OR7D2: variants seen among roughly 807,000 people sequenced by gnomAD.
OR7D2 encodes olfactory receptor 7D2.
For missense variants in OR7D2, 370 were observed against 384.1 expected (o/e 0.96, Z 0.31); for synonymous variants, 158 against 158.7 (o/e 1.00, Z 0.03).
At chr19:9,182,821 A>G (rs2051000624) in intron 2 of OR7D2, 1 of 211,184 alleles carries the variant, frequency 4.7e-6, no homozygotes, top group Non-Finnish European at 1.0e-5. Flanking sequence ...GCGCCCGGCC[A>G]CATGCATATA....
At chr19:9,185,397 A>G (rs1288814892) in intron 2 of OR7D2, among the ~76,000 whole-genome samples, 1 of 151,742 alleles carries the variant, frequency 6.6e-6, no homozygotes, top group East Asian at 1.9e-4. Flanking sequence ...GAAAGATTAG[A>G]CAAAATGAGT....
chr19:9,180,121 A>AT (rs906556932), intron 1 of OR7D2, among the ~76,000 whole-genome samples: 1 of 151,304 alleles, frequency 6.6e-6, no homozygotes, highest in African/African-American at 2.4e-5. Flanking sequence ...TTTTCCTCTT[A>AT]TTTTTTCTCA....
At position 9,185,961 on chromosome 19, in the gene OR7D2, C is replaced by T. The variant is rs938598170; in HGVS notation, c.180C>T (p.Tyr60=). 1 of 1,614,040 alleles carries T rather than the reference C, an allele frequency of 6.2e-7. No individual in the cohort carries two copies. The highest frequency in any genetic ancestry group is 1.3e-5 in the African/African-American group (1 of 74,932). The change falls in exon 3 of 3, where the codon TAC becomes TAT. Residue 60 remains tyrosine, a synonymous_variant. Transcript: ENST00000641288. ...ACTCCCACCTCCACACCCCCATGTA[C>T]TTCTTCCTCTCCAACCTGTCCTGGG... ...SSDSHLHTPM[Y]FFLSNLSWVD...
rs2051050746 is a variant in OR7D2, at chr19:9,187,928, T to C, written c.*1208T>C. ...ATATACCACAATCTTTATCACTCAT[T>C]GGTTGATGGGCACTTAGGTTGGTTC... is the stretch of plus-strand genomic sequence containing the variant. On this transcript the variant is annotated 3_prime_UTR_variant, in exon 3 of 3. Coordinates refer to ENST00000641288, the MANE Select transcript of OR7D2 (RefSeq NM_175883.4). 1 of 166,354 alleles carries C rather than the reference T, an allele frequency of 6.0e-6. No individual in the cohort carries two copies. Among genetic ancestry groups the C allele is most frequent in the Admixed American group, 6.5e-5 (1 of 15,270 alleles). The allele number at this position is 166,354 out of a possible 1,614,324, so 10.3% of individuals were successfully genotyped here.
At position 9,187,513 on chromosome 19, in the gene OR7D2, T is replaced by C. The variant is rs1281497127; in HGVS notation, c.*793T>C. On this transcript the variant is annotated 3_prime_UTR_variant, in exon 3 of 3. Transcript: ENST00000641288. ...TTTCTTTTTTTAAAAAAATTTATTTTTATGTCAGTAGTTTTTGGGGTACAT... is the reference window on the plus strand; with the variant it reads ...TTTCTTTTTTTAAAAAAATTTATTTCTATGTCAGTAGTTTTTGGGGTACAT... 1 of 165,986 alleles carries C rather than the reference T, an allele frequency of 6.0e-6. No homozygotes were observed. Among genetic ancestry groups the C allele is most frequent in the Non-Finnish European group, 1.5e-5 (1 of 68,048 alleles). The allele number at this position is 165,986 out of a possible 1,614,324, so 10.3% of individuals were successfully genotyped here. A position where few individuals can be genotyped will look rare whatever the true frequency, so the allele number is the denominator to read the frequency against.
intron 2 of OR7D2, chr19:9,182,970 G>A: frequency 2.2e-6 from 1 of 453,606 alleles, no homozygotes; most frequent in South Asian, 2.2e-5. Flanking sequence ...ATAAATTCAT[G>A]GCCATCAGAT....
In OR7D2 at chr19:9,186,584, C is replaced by T; in HGVS notation, c.803C>T (p.Ser268Phe). 6.2e-7 allele frequency: 1 copy of T among 1,613,914 alleles called. No homozygotes were observed. Among genetic ancestry groups the T allele is most frequent in the Non-Finnish European group, 8.5e-7 (1 of 1,179,982 alleles). The change falls in exon 3 of 3, where the codon TCC becomes TTC. Residue 268 changes from serine (S) to phenylalanine (F), a missense_variant. Coordinates refer to ENST00000641288, the MANE Select transcript of OR7D2 (RefSeq NM_175883.4). ...VHFTSAVTHS[S>F]QKISVASVMY... ...TTCACTTCTGCGGTGACTCACTCTT[C>T]CCAGAAAATCTCCGTGGCCTCGGTG...
At chr19:9,182,107 G>A (rs1313095557) in intron 2 of OR7D2, among the ~76,000 whole-genome samples, 1 of 152,068 alleles carries the variant, frequency 6.6e-6, no homozygotes, top group Admixed American at 6.6e-5. Flanking sequence ...TGTTAGAATT[G>A]TTTATTATTA....
rs550969737 is a variant in OR7D2, at chr19:9,186,012, C to T, written c.231C>T (p.Ile77=). The change falls in exon 3 of 3, where the codon ATC becomes ATT. Residue 77 remains isoleucine, a synonymous_variant. Coordinates refer to ENST00000641288, the MANE Select transcript of OR7D2 (RefSeq NM_175883.4). ...TTGACATCTGTTTCAGCACTTGCAT[C>T]GTCCCCAAGATGCTGGTGAACATCC... ...SWVDICFSTC[I]VPKMLVNIQT... The T allele has an allele frequency of 6.8e-6, 11 of 1,614,074 alleles. No homozygotes were observed. Among genetic ancestry groups the T allele is most frequent in the South Asian group, 3.3e-5 (3 of 91,086 alleles).
Position 9,186,716 on chromosome 19 carries a change from T to C in OR7D2, c.935T>C (p.Leu312Ser). Residue 312 changes from leucine (L) to serine (S), a missense_variant, in exon 3 of 3, where the codon TTG becomes TCG. Leu to Ser is a moderately radical substitution (Grantham distance 145). Coordinates refer to ENST00000641288, the MANE Select transcript of OR7D2 (RefSeq NM_175883.4). ...CTCCTCAGCAGGGCAGCCTCTTGTT[T>C]GTGATGGATCCCTTGGCCCCAGGAC... ...GSLLSRAASC[L>S] The C allele has an allele frequency of 1.3e-6, 2 of 1,589,494 alleles. No homozygotes were observed. Among genetic ancestry groups the C allele is most frequent in the Middle Eastern group, 1.7e-4 (1 of 5,950 alleles).
Position 9,186,979 on chromosome 19 carries a change from A to T in OR7D2, c.*259A>T, listed in dbSNP as rs1347988026. On this transcript the variant is annotated 3_prime_UTR_variant, in exon 3 of 3. Coordinates refer to ENST00000641288, the MANE Select transcript of OR7D2 (RefSeq NM_175883.4). The stretch of plus-strand genomic sequence containing the variant: ...TGTCTCCCAGGCTGGAGTGCAGTGG[A>T]GTGATCTCGGCTCACTGCAACCTCC... 1.4e-5 allele frequency: 4 copies of T among 285,062 alleles called. No individual in the cohort carries two copies. The highest frequency in any genetic ancestry group is 1.3e-5 in the Non-Finnish European group (2 of 154,458). 17.7% of individuals were successfully genotyped at this position (285,062 alleles called of 1,614,324 possible).
Position 9,186,182 on chromosome 19 carries a change from T to C in OR7D2, c.401T>C (p.Ile134Thr). 1 of 1,614,082 alleles carries C rather than the reference T, an allele frequency of 6.2e-7. No individual in the cohort carries two copies. Among genetic ancestry groups the C allele is most frequent in the Non-Finnish European group, 8.5e-7 (1 of 1,179,974 alleles). The change falls in exon 3 of 3, where the codon ATC (isoleucine) becomes ACC (threonine). Residue 134 changes from isoleucine (I) to threonine (T), a missense_variant. Physicochemically the swap from Ile to Thr is moderately conservative, Grantham distance 89. Coordinates refer to ENST00000641288, the MANE Select transcript of OR7D2 (RefSeq NM_175883.4). ...VAVCHPLHYM[I>T]IMNPHLCGLL... Reference sequence around the variant, plus strand: ...GTCTGCCACCCTCTGCACTATATGATCATCATGAACCCCCACCTCTGTGGC... The same window carrying C: ...GTCTGCCACCCTCTGCACTATATGACCATCATGAACCCCCACCTCTGTGGC...
At chr19:9,181,378 C>G (rs1266698394) in intron 2 of OR7D2, among the ~76,000 whole-genome samples, 1 of 149,802 alleles carries the variant, frequency 6.7e-6, no homozygotes, top group Non-Finnish European at 1.5e-5. Flanking sequence ...AAGAAAGACT[C>G]AAGTCATCCA....
Position 9,186,613 on chromosome 19 carries a change from T to A in OR7D2, c.832T>A (p.Tyr278Asn), listed in dbSNP as rs1408996468. 3 of 1,613,858 alleles carry A rather than the reference T, an allele frequency of 1.9e-6. No homozygotes were observed. The highest frequency in any genetic ancestry group is 2.7e-5 in the African/African-American group (2 of 74,896). Reference sequence around the variant, plus strand: ...GAAAATCTCCGTGGCCTCGGTGATGTACACTGTGGTCACCCCCATGTTGAA... The same window carrying A: ...GAAAATCTCCGTGGCCTCGGTGATGAACACTGTGGTCACCCCCATGTTGAA... ...SQKISVASVM[Y>N]TVVTPMLNPF... The change falls in exon 3 of 3, where the codon TAC becomes AAC. Residue 278 changes from tyrosine (Y) to asparagine (N), a missense_variant. By Grantham distance (143) the Tyr-to-Asn change is moderately radical. Coordinates refer to ENST00000641288, the MANE Select transcript of OR7D2 (RefSeq NM_175883.4).
At chr19:9,184,270 T>A (rs951256309) in intron 2 of OR7D2, among the ~76,000 whole-genome samples, 1 of 151,688 alleles carries the variant, frequency 6.6e-6, no homozygotes, top group African/African-American at 2.4e-5. Context: ...AAAAATTAGC[T>A]AGGCGTGGTG....
At chr19:9,183,200 G>A (rs1369101446) in intron 2 of OR7D2, among the ~76,000 whole-genome samples, 1 of 152,136 alleles carries the variant, frequency 6.6e-6, no homozygotes, top group Non-Finnish European at 1.5e-5. Context: ...GCCTGCTCCC[G>A]TGGGTGGGTT....
rs2051037392 is a variant in OR7D2 at position 9,186,577 on chromosome 19, C to T, written c.796C>T (p.His266Tyr). 1 of 1,614,116 alleles carries T rather than the reference C, an allele frequency of 6.2e-7. No individual in the cohort carries two copies. Among genetic ancestry groups the T allele is most frequent in the Non-Finnish European group, 8.5e-7 (1 of 1,180,022 alleles). The change falls in exon 3 of 3, where the codon CAC (histidine) becomes TAC (tyrosine). Residue 266 changes from histidine to tyrosine, a missense_variant. Physicochemically the swap from His to Tyr is moderately conservative, Grantham distance 83. Transcript: ENST00000641288. ...GGTCCACTTCACTTCTGCGGTGACT[C>T]ACTCTTCCCAGAAAATCTCCGTGGC... ...IGVHFTSAVTHSSQKISVASV... is the reference protein window; with the variant it reads ...IGVHFTSAVTYSSQKISVASV...
At position 9,186,703 on chromosome 19, in the gene OR7D2, G is replaced by T. The variant is rs1176953517; in HGVS notation, c.922G>T (p.Ala308Ser). The part of the protein sequence containing the change: ...KGALGSLLSR[A>S]ASCL ...AGCCCTGGGGAGTCTCCTCAGCAGGGCAGCCTCTTGTTTGTGATGGATCCC... is the reference window on the plus strand; with the variant it reads ...AGCCCTGGGGAGTCTCCTCAGCAGGTCAGCCTCTTGTTTGTGATGGATCCC... Residue 308 changes from alanine (A) to serine (S), a missense_variant, in exon 3 of 3, where the codon GCA becomes TCA. Coordinates refer to ENST00000641288, the MANE Select transcript of OR7D2 (RefSeq NM_175883.4). The T allele has an allele frequency of 1.9e-6, 3 of 1,601,198 alleles. No individual in the cohort carries two copies. Among genetic ancestry groups the T allele is most frequent in the Non-Finnish European group, 2.6e-6 (3 of 1,175,816 alleles).
intron 2 of OR7D2, among the ~76,000 whole-genome samples, chr19:9,183,890 G>A (rs1283656364): frequency 1.0e-4 from 14 of 139,598 alleles, no homozygotes; most frequent in Admixed American, 3.7e-4. Context: ...CCCAGGGGGC[G>A]GAGCCTGCAG....
Sources: gnomAD v4.1 joint callset for allele counts (sites outside exome capture counted in the v4.1 genomes callset) on GRCh38, gnomAD v4.1.1 for gene constraint, MANE v1.5 for transcripts, NCBI Gene and HGNC (gene_info 2026-07-23, HGNC 2026-07-21) for gene names.